MYO1D: variants seen among roughly 807,000 people sequenced by gnomAD.
The protein encoded by MYO1D is unconventional myosin-Id.
MYO1D carries 83 observed loss-of-function variants against 122.0 expected under a neutral mutation model. The observed-to-expected ratio is 0.68, with a 90% CI of 0.57 to 0.82. The LOEUF (loss-of-function observed/expected upper bound fraction) is 0.82. Among genes scored for constraint, MYO1D ranks in the 40% least tolerant of loss-of-function variants. The pLI is 0.00. For synonymous variants in MYO1D, 464 were observed against 446.9 expected (o/e 1.04, Z -0.48); for missense variants, 1,157 against 1,269.5 (o/e 0.91, Z 1.35).
At chr17:32,605,477 A>ACCC (rs10675856) in intron 20 of MYO1D, among the ~76,000 whole-genome samples, 14 of 151,146 alleles carry the variant, frequency 9.3e-5, no homozygotes, top group African/African-American at 2.7e-4. Context: ...TTGCTCAGTG[A>ACCC]CCCCCTGACT....
chr17:32,640,922 A>C (rs1240621416), intron 19 of MYO1D, among the ~76,000 whole-genome samples: 1 of 151,678 alleles, frequency 6.6e-6, no homozygotes, highest in Non-Finnish European at 1.5e-5. Flanking sequence ...AATTTATTTT[A>C]TTATTTTTTA....
intron 1 of MYO1D, among the ~76,000 whole-genome samples, chr17:32,837,847 A>C (rs901291549): frequency 1.9e-4 from 29 of 152,188 alleles, no homozygotes; most frequent in African/African-American, 7.0e-4. Flanking sequence ...TAAAATCGAA[A>C]TTACTTTTGT....
At chr17:32,804,620 T>C (rs1309950836) in intron 1 of MYO1D, among the ~76,000 whole-genome samples, 1 of 152,140 alleles carries the variant, frequency 6.6e-6, no homozygotes, top group African/African-American at 2.4e-5. Flanking sequence ...TCTCATCTAT[T>C]ACCCTTTTAA....
chr17:32,660,787 C>G (rs2088553600), intron 16 of MYO1D, among the ~76,000 whole-genome samples: 1 of 152,148 alleles, frequency 6.6e-6, no homozygotes, highest in Admixed American at 6.5e-5. Flanking sequence ...TCCTTGTAGC[C>G]AAATCCACTG....
chr17:32,497,831 C>G (rs1909174892), intron 21 of MYO1D: 1 of 152,390 alleles, frequency 6.6e-6, no homozygotes, highest in African/African-American at 2.4e-5. Context: ...CTGGATCCTT[C>G]TGGGTTGTGG....
intron 6 of MYO1D, 143 bp downstream of exon 6, chr17:32,770,982 C>A: frequency 2.0e-6 from 1 of 494,998 alleles, no homozygotes; most frequent in Non-Finnish European, 3.4e-6. Context: ...AATCTCTGTC[C>A]TTGAGAATTT....
intron 21 of MYO1D, among the ~76,000 whole-genome samples, chr17:32,534,579 A>T (rs1271281903): frequency 6.6e-6 from 1 of 152,234 alleles, no homozygotes; most frequent in East Asian, 1.9e-4. Context: ...TTATTTGGAA[A>T]GTTTAAATCC....
At chr17:32,858,568 T>C (rs1408986116) in intron 1 of MYO1D, among the ~76,000 whole-genome samples, 1 of 152,238 alleles carries the variant, frequency 6.6e-6, no homozygotes, top group African/African-American at 2.4e-5. Context: ...TTAGCAGGAA[T>C]GTCACAGAGG....
At chr17:32,727,224 C>A (rs1390792815) in intron 14 of MYO1D, among the ~76,000 whole-genome samples, 2 of 152,198 alleles carry the variant, frequency 1.3e-5, no homozygotes, top group African/African-American at 2.4e-5. Flanking sequence ...TTGGAGCAGT[C>A]CACACAGCAG....
At chr17:32,815,023 C>A (rs76373015) in intron 1 of MYO1D, among the ~76,000 whole-genome samples, 21,743 of 152,206 alleles carry the variant, frequency 0.14, 1,990 homozygotes, top group Middle Eastern at 0.28. Context: ...AGAAATTCCA[C>A]CAATGAGTAC....
chr17:32,643,071 G>A (rs2088227972), intron 19 of MYO1D, among the ~76,000 whole-genome samples: 1 of 152,136 alleles, frequency 6.6e-6, no homozygotes, highest in African/African-American at 2.4e-5. Context: ...GTCATAAATA[G>A]TTCTTATTAT....
At chr17:32,582,516 G>A (rs115209463) in intron 21 of MYO1D, among the ~76,000 whole-genome samples, 1 of 152,100 alleles carries the variant, frequency 6.6e-6, no homozygotes, top group South Asian at 2.1e-4. Flanking sequence ...CATTATGGCA[G>A]AGATTTTGAA....
chr17:32,742,953 T>A lies in MYO1D; in HGVS notation c.1613+2258A>T, dbSNP rs117570200. Among the ~76,000 whole-genome samples the A allele has an allele frequency of 4.2e-4, 64 of 152,368 alleles. No individual in the cohort carries two copies. In the East Asian group the frequency reaches 6.9e-3, roughly 17 times the overall value. ...AGTGTTGTCAAGAGTCCCACTGACC[T>A]TGGCATTAGCAAATCCAATGGTCAA... On this transcript the variant is annotated intron_variant, in intron 13 of 21. Transcript: ENST00000318217.
intron 21 of MYO1D, among the ~76,000 whole-genome samples, chr17:32,553,758 G>A (rs2087043732): frequency 6.6e-6 from 1 of 151,774 alleles, no homozygotes. Flanking sequence ...TTCCTTATTG[G>A]CCATGTTTTT....
At chr17:32,848,927 T>C (rs1176169158) in intron 1 of MYO1D, among the ~76,000 whole-genome samples, 2 of 152,230 alleles carry the variant, frequency 1.3e-5, no homozygotes, top group Non-Finnish European at 2.9e-5. Context: ...CCTAACATTC[T>C]TACGTACCTG....
At chr17:32,776,943 G>T (rs983534477) in intron 3 of MYO1D, among the ~76,000 whole-genome samples, 4 of 152,112 alleles carry the variant, frequency 2.6e-5, no homozygotes, top group Non-Finnish European at 5.9e-5. Flanking sequence ...TGATGTAGAA[G>T]ATCTACTGTT....
intron 16 of MYO1D, among the ~76,000 whole-genome samples, chr17:32,664,961 T>C (rs1413986106): frequency 6.6e-6 from 1 of 152,028 alleles, no homozygotes; most frequent in Non-Finnish European, 1.5e-5. Flanking sequence ...CCCCACCTCA[T>C]CTCCCGCTGT....
intron 1 of MYO1D, among the ~76,000 whole-genome samples, chr17:32,787,575 C>T (rs1422422685): frequency 7.2e-5 from 11 of 152,106 alleles, no homozygotes; most frequent in African/African-American, 1.7e-4. Flanking sequence ...CCCACCACCA[C>T]GCCTGGCTAA....
intron 14 of MYO1D, among the ~76,000 whole-genome samples, chr17:32,737,844 T>C (rs2089724208): frequency 6.6e-6 from 1 of 152,266 alleles, no homozygotes; most frequent in Admixed American, 6.5e-5. Context: ...TAAAACTCTC[T>C]GGCCACTTTG....
Sources: allele counts gnomAD v4.1 joint callset (sites outside exome capture counted in the v4.1 genomes callset), GRCh38; gene constraint gnomAD v4.1.1; transcripts MANE v1.5; gene names NCBI Gene and HGNC (gene_info 2026-07-23, HGNC 2026-07-21).